Variants in KLF17 observed in about 807,000 individuals in gnomAD.
KLF17 encodes Krueppel-like factor 17.
In KLF17, 31 loss-of-function variants were observed where a neutral mutation model predicts 34.2. The ratio of observed to expected loss-of-function variants is 0.91; its 90% CI spans 0.68 to 1.22. KLF17 has a LOEUF of 1.22. Among genes scored for constraint, KLF17 ranks in the 50% most tolerant of loss-of-function variants. KLF17 has a pLI of 0.00. For synonymous variants in KLF17, 179 were observed against 186.7 expected (o/e 0.96, Z 0.34); for missense variants, 478 against 505.2 (o/e 0.95, Z 0.52).
At chr1:44,120,743 C>T (rs1048376744) in intron 1 of KLF17, among the ~76,000 whole-genome samples, 19 of 152,200 alleles carry the variant, frequency 1.2e-4, no homozygotes, top group Non-Finnish European at 4.4e-5. Context: ...CTGAGCACCC[C>T]AGAGGTGCCC....
intron 3 of KLF17, among the ~76,000 whole-genome samples, chr1:44,133,032 A>C (rs1415180324): frequency 1.3e-5 from 2 of 152,186 alleles, no homozygotes; most frequent in Non-Finnish European, 2.9e-5. Context: ...GCTGGTGCCA[A>C]GCACAGAGAG....
chr1:44,080,558 G>A, the KLF17 span, among the ~76,000 whole-genome samples: 2 of 151,938 alleles, frequency 1.3e-5, no homozygotes, highest in African/African-American at 2.4e-5. Context: ...CTTAATTATC[G>A]TATTTTACAA....
chr1:44,078,434 CTTCTTTT>C, the KLF17 span, among the ~76,000 whole-genome samples: 1 of 122,034 alleles, frequency 8.2e-6, no homozygotes, highest in African/African-American at 2.9e-5. Flanking sequence ...GCTTTTCCTT[CTTCTTTT>C]TTTTTTTTTT....
the KLF17 span, among the ~76,000 whole-genome samples, chr1:44,071,337 T>C: frequency 6.6e-5 from 10 of 152,232 alleles, no homozygotes; most frequent in African/African-American, 2.4e-4. Flanking sequence ...TCAGTCACAG[T>C]CTACACTTAG....
chr1:44,075,165 G>C, the KLF17 span, among the ~76,000 whole-genome samples: 1 of 150,388 alleles, frequency 6.6e-6, no homozygotes, highest in African/African-American at 2.4e-5. Context: ...ATTAGTTATT[G>C]TCACATACAC....
chr1:44,129,354 A>G lies in KLF17; in HGVS notation c.83A>G (p.Asp28Gly), dbSNP rs141824161. 25 of 1,509,314 alleles carry G rather than the reference A, an allele frequency of 1.7e-5. No homozygotes were observed. Among genetic ancestry groups the G allele is most frequent in the Admixed American group, 4.6e-5 (2 of 43,600 alleles). The allele number at this position is 1,509,314 out of a possible 1,614,324, so 93.5% of individuals were successfully genotyped here. Residue 28 changes from aspartate (D) to glycine (G), a missense_variant and splice_region_variant, in exon 2 of 4, where the codon GAT becomes GGT. Transcript: ENST00000372299. The stretch of plus-strand genomic sequence containing the variant: ...ATCACCTGACTCTTTTTCCCCAAGG[A>G]TAACGAGAACTCAGCGCCCATCTTG... Reference protein sequence around the residue: ...RWQAAHQAAQDNENSAPILNM... With the variant: ...RWQAAHQAAQGNENSAPILNM...
the KLF17 span, chr1:44,051,062 A>G: frequency 1.7e-4 from 26 of 149,034 alleles, no homozygotes; most frequent in Admixed American, 1.8e-3. Flanking sequence ...CAGAAGAGAG[A>G]AAACGACAGC....
the KLF17 span, among the ~76,000 whole-genome samples, chr1:44,111,234 G>A: frequency 4.0e-5 from 6 of 151,848 alleles, no homozygotes; most frequent in African/African-American, 9.7e-5. Context: ...GGGCTCAAGC[G>A]ATCCACCTGC....
At chr1:44,084,771 GTGTTCTAAAAACATACA>G in the KLF17 span, among the ~76,000 whole-genome samples, 3 of 150,642 alleles carry the variant, frequency 2.0e-5, no homozygotes, top group Admixed American at 6.6e-5. Flanking sequence ...CATTTTCTCT[GTGTTCTAAAAACATACA>G]TGAAGGCAGG....
At chr1:44,096,295 A>T in the KLF17 span, among the ~76,000 whole-genome samples, 1 of 152,130 alleles carries the variant, frequency 6.6e-6, no homozygotes, top group South Asian at 2.1e-4. Flanking sequence ...GTAAACAAGG[A>T]TAATTTTACT....
chr1:44,054,605 C>T, the KLF17 span, among the ~76,000 whole-genome samples: 1 of 151,566 alleles, frequency 6.6e-6, no homozygotes, highest in African/African-American at 2.4e-5. Context: ...CGCAGCCTCC[C>T]AAGTAGCTGG....
upstream of KLF17, chr1:44,117,217 T>A (rs2087888797): frequency 6.6e-6 from 1 of 152,198 alleles, no homozygotes; most frequent in African/African-American, 2.4e-5. Flanking sequence ...CTGGGCCAGT[T>A]CATCCCTCCT....
chr1:44,086,591 T>G, the KLF17 span, among the ~76,000 whole-genome samples: 3 of 152,052 alleles, frequency 2.0e-5, no homozygotes, highest in African/African-American at 7.2e-5. Context: ...GTTTCCTGGG[T>G]TTTTGGAGAG....
At chr1:44,102,526 C>T in the KLF17 span, among the ~76,000 whole-genome samples, 1 of 147,962 alleles carries the variant, frequency 6.8e-6, no homozygotes, top group Non-Finnish European at 1.5e-5. Context: ...GCACTCCAGC[C>T]TGGGCAACAA....
At chr1:44,086,452 G>A in the KLF17 span, among the ~76,000 whole-genome samples, 1 of 150,772 alleles carries the variant, frequency 6.6e-6, no homozygotes, top group Non-Finnish European at 1.5e-5. Context: ...GGCAACAAGA[G>A]TGAAGCTCCA....
At chr1:44,126,531 C>T in intron 1 of KLF17, among the ~76,000 whole-genome samples, 1 of 152,196 alleles carries the variant, frequency 6.6e-6, no homozygotes, top group East Asian at 1.9e-4. Flanking sequence ...CAGACAAATG[C>T]TGCCAGTGTG....
the KLF17 span, chr1:44,088,309 G>A: frequency 1.3e-5 from 2 of 152,140 alleles, no homozygotes; most frequent in African/African-American, 2.4e-5. Context: ...TAGAGATGGG[G>A]TTTTGTCATG....
At chr1:44,065,215 G>C in the KLF17 span, among the ~76,000 whole-genome samples, 3 of 151,818 alleles carry the variant, frequency 2.0e-5, no homozygotes, top group African/African-American at 7.3e-5. Context: ...TTGAACCTGG[G>C]AGGCAGAGGT....
chr1:44,046,050 G>A, the KLF17 span: 3 of 151,668 alleles, frequency 2.0e-5, no homozygotes, highest in Non-Finnish European at 2.9e-5. Flanking sequence ...TATTTAGGAT[G>A]AGCTTATCAT....
Sources: allele counts gnomAD v4.1 joint callset (sites outside exome capture counted in the v4.1 genomes callset), GRCh38; gene constraint gnomAD v4.1.1; transcripts MANE v1.5; gene names NCBI Gene and HGNC (gene_info 2026-07-23, HGNC 2026-07-21).